Variants in CFAP221 observed in about 807,000 individuals in gnomAD.
CFAP221 encodes cilia- and flagella-associated protein 221.
A neutral mutation model predicts 113.1 loss-of-function variants in CFAP221; 97 were observed. That is an observed-to-expected ratio of 0.86 (90% CI 0.73 to 1.02). CFAP221 has a LOEUF of 1.02. Ranked by LOEUF, CFAP221 falls within the 50% of genes least tolerant of loss-of-function variation. The probability of loss-of-function intolerance (pLI) is 0.00; values close to 1 mark genes in which losing one functional copy is unlikely to be tolerated. For missense variants in CFAP221, 1,025 were observed against 1,013.4 expected (o/e 1.01, Z -0.16); for synonymous variants, 331 against 354.4 (o/e 0.93, Z 0.74).
At chr2:119,617,594 C>T (rs79003982) in intron 14 of CFAP221, among the ~76,000 whole-genome samples, 1 of 152,294 alleles carries the variant, frequency 6.6e-6, no homozygotes, top group African/African-American at 2.4e-5. Flanking sequence ...AGTTCCAAAG[C>T]AAGCCCTGTC....
intron 19 of CFAP221, among the ~76,000 whole-genome samples, chr2:119,637,631 C>T (rs1246690937): frequency 6.6e-6 from 1 of 152,078 alleles, no homozygotes; most frequent in Non-Finnish European, 1.5e-5. Flanking sequence ...TCTGAGAGAA[C>T]AGTAAAAGGC....
intron 13 of CFAP221, among the ~76,000 whole-genome samples, chr2:119,612,836 G>A (rs746205365): frequency 7.3e-4 from 111 of 152,124 alleles, no homozygotes; most frequent in Non-Finnish European, 2.6e-4. Context: ...GTCCTCCAAA[G>A]CCTTAACTTA....
At chr2:119,651,384 G>GA (rs900626453) in intron 22 of CFAP221, among the ~76,000 whole-genome samples, 15 of 141,908 alleles carry the variant, frequency 1.1e-4, no homozygotes, top group African/African-American at 3.4e-4. Context: ...ACAACAGCAA[G>GA]AAAAAAAAAA....
At chr2:119,611,149 C>G (rs1182371175) in intron 12 of CFAP221, among the ~76,000 whole-genome samples, 1 of 152,074 alleles carries the variant, frequency 6.6e-6, no homozygotes, top group East Asian at 1.9e-4. Flanking sequence ...CCTGGATAAT[C>G]GACTCTGAGG....
chr2:119,615,532 C>A, intron 13 of CFAP221, 79 bp from the exon 14 acceptor site: 1 of 1,048,536 alleles, frequency 9.5e-7, no homozygotes, highest in Non-Finnish European at 1.4e-6. Flanking sequence ...TGGGATCAAA[C>A]TCTAAAATGT....
intron 6 of CFAP221, among the ~76,000 whole-genome samples, chr2:119,562,930 G>C (rs1419492969): frequency 1.3e-5 from 2 of 152,094 alleles, no homozygotes; most frequent in Non-Finnish European, 2.9e-5. Context: ...GGCAGAGGAT[G>C]GCTTGAGCCC....
chr2:119,598,969 G>A (rs1415728153), intron 7 of CFAP221, among the ~76,000 whole-genome samples: 1 of 152,116 alleles, frequency 6.6e-6, no homozygotes, highest in Non-Finnish European at 1.5e-5. Flanking sequence ...GTCAATTTAT[G>A]GGTTAAAGGG....
intron 6 of CFAP221, among the ~76,000 whole-genome samples, chr2:119,565,961 T>C (rs942223469): frequency 6.6e-6 from 1 of 152,238 alleles, no homozygotes; most frequent in African/African-American, 2.4e-5. Flanking sequence ...CTTTATTGAA[T>C]GCCTTCCATG....
At chr2:119,582,388 G>A (rs1210146211) in intron 6 of CFAP221, among the ~76,000 whole-genome samples, 2 of 151,860 alleles carry the variant, frequency 1.3e-5, no homozygotes, top group South Asian at 2.1e-4. Flanking sequence ...TGACCACACT[G>A]TATTTGGGAG....
chr2:119,583,537 C>CT (rs1290817508), intron 6 of CFAP221, among the ~76,000 whole-genome samples: 1 of 151,646 alleles, frequency 6.6e-6, no homozygotes, highest in African/African-American at 2.4e-5. Context: ...CCATAAAAGA[C>CT]TTTAGCAGGG....
intron 6 of CFAP221, among the ~76,000 whole-genome samples, chr2:119,562,543 G>T (rs1295039983): frequency 6.6e-6 from 1 of 152,110 alleles, no homozygotes; most frequent in Non-Finnish European, 1.5e-5. Flanking sequence ...GGGGTTGGGG[G>T]CATTCAAGCA....
At chr2:119,626,210 G>A (rs770041822) in intron 15 of CFAP221, among the ~76,000 whole-genome samples, 7 of 152,086 alleles carry the variant, frequency 4.6e-5, no homozygotes, top group Non-Finnish European at 1.0e-4. Flanking sequence ...TGCAGACTCT[G>A]ATTATATAAG....
intron 6 of CFAP221, chr2:119,572,590 A>C: frequency 1.4e-6 from 1 of 700,978 alleles, no homozygotes; most frequent in South Asian, 1.5e-5. Flanking sequence ...AACTTGGAGC[A>C]GGTCCAGTTG....
intron 13 of CFAP221, among the ~76,000 whole-genome samples, chr2:119,614,247 C>T (rs1215360246): frequency 6.6e-6 from 1 of 152,248 alleles, no homozygotes. Flanking sequence ...AACTTTCCCA[C>T]ATTTTCCTTC....
intron 21 of CFAP221, among the ~76,000 whole-genome samples, chr2:119,644,157 GAAA>G (rs1687659824): frequency 6.6e-6 from 1 of 151,740 alleles, no homozygotes; most frequent in African/African-American, 2.4e-5. Context: ...CATCTCAAAA[GAAA>G]ATAAACAAAA....
chr2:119,562,178 A>G (rs1197312607), intron 6 of CFAP221, 64 bp downstream of exon 6: 2 of 1,159,326 alleles, frequency 1.7e-6, no homozygotes, highest in Non-Finnish European at 2.4e-6. Context: ...CTCATACAAA[A>G]CCTTAGACTT....
chr2:119,555,157 TGGTTTTTGTGG>T (rs1195001016), intron 3 of CFAP221, among the ~76,000 whole-genome samples: 2 of 152,166 alleles, frequency 1.3e-5, no homozygotes, highest in Non-Finnish European at 2.9e-5. Flanking sequence ...GTGTGGTTGA[TGGTTTTTGTGG>T]GGTTTTTGTG....
chr2:119,567,662 G>A (rs180929599), intron 6 of CFAP221, among the ~76,000 whole-genome samples: 1 of 152,258 alleles, frequency 6.6e-6, no homozygotes, highest in Non-Finnish European at 1.5e-5. Context: ...GGATTGTATG[G>A]TAAGAGTATG....
At chr2:119,556,061 G>A (rs918998954) in intron 3 of CFAP221, 4 of 152,274 alleles carry the variant, frequency 2.6e-5, no homozygotes, top group East Asian at 1.9e-4. Flanking sequence ...TCATTGGCAC[G>A]ATGTCCCCTG....
Sources: gnomAD v4.1 joint callset for allele counts (sites outside exome capture counted in the v4.1 genomes callset) on GRCh38, gnomAD v4.1.1 for gene constraint, MANE v1.5 for transcripts, NCBI Gene and HGNC (gene_info 2026-07-23, HGNC 2026-07-21) for gene names.